ARHGAP28: variants seen among roughly 807,000 people sequenced by gnomAD.
The protein encoded by ARHGAP28 is rho GTPase-activating protein 28.
A neutral mutation model predicts 90.7 loss-of-function variants in ARHGAP28; 56 were observed. The ratio of observed to expected loss-of-function variants is 0.62; its 90% CI spans 0.50 to 0.77. ARHGAP28 has a LOEUF of 0.77. ARHGAP28 is among the 30% of genes least tolerant of loss of function. The probability of loss-of-function intolerance (pLI) is 0.00; values close to 1 mark genes in which losing one functional copy is unlikely to be tolerated. For synonymous variants in ARHGAP28, 308 were observed against 323.3 expected (o/e 0.95, Z 0.51); for missense variants, 869 against 900.9 (o/e 0.96, Z 0.45).
intron 11 of ARHGAP28, among the ~76,000 whole-genome samples, chr18:6,886,872 G>A (rs1303213714): frequency 6.6e-6 from 1 of 152,116 alleles, no homozygotes; most frequent in African/African-American, 2.4e-5. Context: ...GGAAGGGAAG[G>A]TCTGCGAAAG....
chr18:6,895,093 A>G (rs1364002248), intron 15 of ARHGAP28, among the ~76,000 whole-genome samples: 1 of 152,196 alleles, frequency 6.6e-6, no homozygotes, highest in African/African-American at 2.4e-5. Context: ...CACAGCTACA[A>G]TGCTGTGGAA....
intron 2 of ARHGAP28, among the ~76,000 whole-genome samples, chr18:6,832,780 T>C (rs971529): frequency 0.78 from 118,967 of 151,866 alleles, 46,719 homozygotes; most frequent in Middle Eastern, 0.81. Flanking sequence ...CATTTACTCT[T>C]TACCTATCTG....
At chr18:6,828,134 C>T (rs1282339132) in intron 2 of ARHGAP28, among the ~76,000 whole-genome samples, 1 of 152,174 alleles carries the variant, frequency 6.6e-6, no homozygotes, top group African/African-American at 2.4e-5. Context: ...AGATCACTCG[C>T]GGTTAGGAGC....
chr18:6,857,218 A>G (rs1336143604), intron 4 of ARHGAP28, among the ~76,000 whole-genome samples: 1 of 152,208 alleles, frequency 6.6e-6, no homozygotes, highest in African/African-American at 2.4e-5. Flanking sequence ...AAATAACTAA[A>G]TTCTATCATT....
chr18:6,759,614 A>C (rs2056142286), intron 1 of ARHGAP28, among the ~76,000 whole-genome samples: 1 of 152,256 alleles, frequency 6.6e-6, no homozygotes, highest in African/African-American at 2.4e-5. Flanking sequence ...TAAATGAGTG[A>C]AGAAATTGAA....
At chr18:6,751,435 T>G (rs2056068460) in intron 1 of ARHGAP28, among the ~76,000 whole-genome samples, 2 of 152,178 alleles carry the variant, frequency 1.3e-5, no homozygotes, top group Admixed American at 1.3e-4. Flanking sequence ...TCGCTCTTCT[T>G]GGAGGTATTA....
intron 1 of ARHGAP28, among the ~76,000 whole-genome samples, chr18:6,749,098 A>C (rs1477728446): frequency 6.6e-6 from 1 of 152,238 alleles, no homozygotes; most frequent in Admixed American, 6.5e-5. Context: ...AAAATGTTTG[A>C]GCTAAAAGTC....
chr18:6,889,806 G>A, intron 12 of ARHGAP28, 82 bp from the exon 13 acceptor site: 1 of 1,288,942 alleles, frequency 7.8e-7, no homozygotes, highest in Non-Finnish European at 1.1e-6. Context: ...GCAGCAGAGT[G>A]AATGGGAATA....
At chr18:6,819,727 G>GTTT (rs2056614381) in intron 1 of ARHGAP28, among the ~76,000 whole-genome samples, 1 of 152,218 alleles carries the variant, frequency 6.6e-6, no homozygotes, top group Admixed American at 6.5e-5. Flanking sequence ...AGCAGAGAGA[G>GTTT]ATCTCTGTAG....
intron 3 of ARHGAP28, among the ~76,000 whole-genome samples, chr18:6,841,180 C>CT (rs1491103592): frequency 0.044 from 2,476 of 56,440 alleles, 144 homozygotes; most frequent in Non-Finnish European, 0.048. Flanking sequence ...CTCTCTCTCT[C>CT]CTCTCTCTCT....
At chr18:6,887,277 T>C in intron 12 of ARHGAP28, 38 bp downstream of exon 12, 1 of 1,584,240 alleles carries the variant, frequency 6.3e-7, no homozygotes, top group African/African-American at 1.3e-5. Flanking sequence ...CCTGGGGCTC[T>C]TATTGCTCAG....
At chr18:6,775,549 A>T (rs2056277039) in intron 1 of ARHGAP28, among the ~76,000 whole-genome samples, 1 of 152,110 alleles carries the variant, frequency 6.6e-6, no homozygotes, top group Non-Finnish European at 1.5e-5. Context: ...CTCCGATTTC[A>T]GGTGGTGTAA....
Position 6,896,669 on chromosome 18 carries a change from C to T in ARHGAP28, c.2030+43C>T, listed in dbSNP as rs374272740. 8.7e-6 allele frequency: 14 copies of T among 1,605,720 alleles called. No homozygotes were observed. The African/African-American group carries it at 1.6e-4, about 18-fold the overall frequency. Reference sequence around the variant, plus strand: ...AAGGTCTCTGCACAAGAAGGAAAAACCTTTATCAGATGAATAACTTTCTAG... The same window carrying T: ...AAGGTCTCTGCACAAGAAGGAAAAATCTTTATCAGATGAATAACTTTCTAG... On this transcript the variant is annotated intron_variant, in intron 16 of 17. Transcript: ENST00000383472.
chr18:6,745,151 A>C (rs1000226391), intron 1 of ARHGAP28, among the ~76,000 whole-genome samples: 4 of 152,152 alleles, frequency 2.6e-5, no homozygotes, highest in African/African-American at 9.7e-5. Flanking sequence ...ACACACATAC[A>C]TTTTAAGAGG....
chr18:6,888,066 A>G (rs1398970317), intron 12 of ARHGAP28, among the ~76,000 whole-genome samples: 1 of 152,232 alleles, frequency 6.6e-6, no homozygotes, highest in Non-Finnish European at 1.5e-5. Flanking sequence ...CTAGAATTTC[A>G]GAATTTTAGA....
chr18:6,828,036 G>A (rs576752159), intron 2 of ARHGAP28, among the ~76,000 whole-genome samples: 9 of 152,094 alleles, frequency 5.9e-5, no homozygotes, highest in East Asian at 3.9e-4. Flanking sequence ...CCGAGATCAC[G>A]CCACTGCACT....
At chr18:6,900,082 C>T (rs140475092) in intron 16 of ARHGAP28, among the ~76,000 whole-genome samples, 1 of 152,128 alleles carries the variant, frequency 6.6e-6, no homozygotes, top group Non-Finnish European at 1.5e-5. Flanking sequence ...ATCTTACACT[C>T]CCAATTGGAG....
intron 1 of ARHGAP28, among the ~76,000 whole-genome samples, chr18:6,775,196 T>G (rs897044056): frequency 6.6e-6 from 1 of 152,236 alleles, no homozygotes; most frequent in African/African-American, 2.4e-5. Flanking sequence ...GTGATGGGTT[T>G]GGTTGGAGAG....
At position 6,741,404 on chromosome 18, in the gene ARHGAP28, CCCACCTCTT is replaced by C. The variant is rs199635187; in HGVS notation, c.122+11465_122+11473del. On this transcript the variant is annotated intron_variant, in intron 1 of 17. Transcript: ENST00000383472. ...GCAGAAAGCTGCAGGCTAGAGGACTCCCACCTCTTCCAGCTTCTGGAGGCATGGAATTGG... is the reference window on the plus strand; with the variant it reads ...GCAGAAAGCTGCAGGCTAGAGGACTCCCAGCTTCTGGAGGCATGGAATTGG... 2.4e-4 allele frequency among the ~76,000 whole-genome samples: 36 copies of C among 152,306 alleles called. No individual in the cohort carries two copies. In the East Asian group the frequency reaches 7.0e-3, roughly 29 times the overall value.
Sources: gnomAD v4.1 joint callset for allele counts (sites outside exome capture counted in the v4.1 genomes callset) on GRCh38, gnomAD v4.1.1 for gene constraint, MANE v1.5 for transcripts, NCBI Gene and HGNC (gene_info 2026-07-23, HGNC 2026-07-21) for gene names.